BCAS4: variants seen among roughly 807,000 people sequenced by gnomAD.
BCAS4 encodes breast carcinoma-amplified sequence 4.
In BCAS4, 9 loss-of-function variants were observed where a neutral mutation model predicts 15.7. The ratio of observed to expected loss-of-function variants is 0.57; its 90% confidence interval spans 0.34 to 1.00. The LOEUF is 1.00. Among genes scored for constraint, BCAS4 ranks in the 50% least tolerant of loss-of-function variants. The probability of loss-of-function intolerance (pLI) is 0.02; values close to 1 mark genes in which losing one functional copy is unlikely to be tolerated. For synonymous variants in BCAS4, 101 were observed against 99.5 expected, an observed-to-expected ratio of 1.02 and a Z score of -0.09; for missense variants, 225 against 239.1, an observed-to-expected ratio of 0.94 and a Z score of 0.39.
At chr20:50,861,493 C>T (rs1979065818) in intron 4 of BCAS4, among the ~76,000 whole-genome samples, 1 of 152,218 alleles carries the variant, frequency 6.6e-6, no homozygotes, top group South Asian at 2.1e-4. Context: ...AGATGGCCTC[C>T]GTCCAGCACG....
At chr20:50,846,607 CTTTTTTTTTTTTTTTT>C (rs144685124) in intron 4 of BCAS4, 1 of 69,784 alleles carries the variant, frequency 1.4e-5, no homozygotes, top group Non-Finnish European at 2.8e-5. Flanking sequence ...GTCTCTCTCT[CTTTTTTTTTTTTTTTT>C]TTTTTTTTTT....
intron 4 of BCAS4, chr20:50,875,962 T>C: frequency 6.6e-6 from 3 of 456,246 alleles, no homozygotes; most frequent in Non-Finnish European, 4.4e-6. Flanking sequence ...TTTTCTTTTT[T>C]CTTCCCCGAG....
intron 2 of BCAS4, among the ~76,000 whole-genome samples, chr20:50,820,484 G>A (rs1217698399): frequency 6.6e-6 from 1 of 152,224 alleles, no homozygotes; most frequent in Non-Finnish European, 1.5e-5. Context: ...GGGGAGGCCA[G>A]GGATGTGGTA....
At chr20:50,817,635 T>C (rs1170924813) in intron 1 of BCAS4, among the ~76,000 whole-genome samples, 1 of 152,124 alleles carries the variant, frequency 6.6e-6, no homozygotes, top group African/African-American at 2.4e-5. Flanking sequence ...CTAATTTTTG[T>C]ATTTTGAGTA....
At chr20:50,816,111 C>T (rs552930395) in intron 1 of BCAS4, among the ~76,000 whole-genome samples, 2 of 138,098 alleles carry the variant, frequency 1.4e-5, no homozygotes, top group Non-Finnish European at 3.2e-5. Context: ...CCGCAACCTC[C>T]TCCTTCTGGG....
chr20:50,863,814 G>A (rs78073114), intron 4 of BCAS4, among the ~76,000 whole-genome samples: 7,065 of 152,228 alleles, frequency 0.046, 322 homozygotes, highest in East Asian at 0.17. Flanking sequence ...TGTGATGGGG[G>A]ACCCCTGAAC....
At chr20:50,812,799 T>A (rs866770420) in intron 1 of BCAS4, among the ~76,000 whole-genome samples, 1 of 152,032 alleles carries the variant, frequency 6.6e-6, no homozygotes, top group Non-Finnish European at 1.5e-5. Flanking sequence ...ATATTTTTCA[T>A]TTCTTTTTTA....
chr20:50,863,715 G>C (rs1979212167), intron 4 of BCAS4, among the ~76,000 whole-genome samples: 1 of 152,236 alleles, frequency 6.6e-6, no homozygotes, highest in African/African-American at 2.4e-5. Context: ...CCAGCTGTTG[G>C]TATGGGATAA....
rs745360628 is a variant in BCAS4 at position 50,804,975 on chromosome 20, C to T, written c.90+9802C>T. ...CGGGATCTTTCAACCTTCATTTCAT[C>T]GCTTTCATCTTGTGCATAGAGATGA... On this transcript the variant is annotated intron_variant, in intron 1 of 4. Transcript: ENST00000371608. 5.3e-5 allele frequency among the ~76,000 whole-genome samples: 8 copies of T among 152,254 alleles called. No homozygotes were observed. In the East Asian group the frequency reaches 5.8e-4, roughly 11 times the overall value.
chr20:50,828,695 C>T (rs996575749), intron 2 of BCAS4, among the ~76,000 whole-genome samples: 14 of 152,174 alleles, frequency 9.2e-5, no homozygotes, highest in African/African-American at 3.4e-4. Context: ...AGGAGAATCG[C>T]CTGGACCTGG....
chr20:50,796,485 A>ATTTTT (rs1198586862), intron 1 of BCAS4, among the ~76,000 whole-genome samples: 50 of 10,304 alleles, frequency 4.9e-3, no homozygotes, highest in Non-Finnish European at 6.2e-3. Flanking sequence ...ATATATATAT[A>ATTTTT]TATTTTTTTT....
chr20:50,865,638 C>T (rs1979317605), intron 4 of BCAS4, among the ~76,000 whole-genome samples: 1 of 152,222 alleles, frequency 6.6e-6, no homozygotes, highest in South Asian at 2.1e-4. Flanking sequence ...CTGCCAGCTC[C>T]AGCAGCCCCA....
At chr20:50,795,507 C>T (rs2087843794) in intron 1 of BCAS4, among the ~76,000 whole-genome samples, 1 of 152,212 alleles carries the variant, frequency 6.6e-6, no homozygotes, top group Non-Finnish European at 1.5e-5. Context: ...CCGGCTACCT[C>T]CGAGCGGTGC....
intron 3 of BCAS4, among the ~76,000 whole-genome samples, chr20:50,835,582 C>T (rs1311534680): frequency 6.6e-6 from 1 of 152,016 alleles, no homozygotes; most frequent in East Asian, 1.9e-4. Context: ...ACTCAGATGC[C>T]AACAGGAGCC....
chr20:50,847,374 G>A (rs909950236), intron 4 of BCAS4, among the ~76,000 whole-genome samples: 7 of 152,102 alleles, frequency 4.6e-5, no homozygotes, highest in East Asian at 1.9e-4. Context: ...GGTGTGAGCC[G>A]CTGCACCCGG....
chr20:50,866,005 A>C (rs6091225), intron 4 of BCAS4, among the ~76,000 whole-genome samples: 64,107 of 151,880 alleles, frequency 0.42, 15,583 homozygotes, highest in African/African-American at 0.69. Context: ...AGGGGACAGG[A>C]CCTGGGGGCC....
At chr20:50,833,018 G>A (rs2088363172) in intron 3 of BCAS4, 1 of 152,362 alleles carries the variant, frequency 6.6e-6, no homozygotes, top group Non-Finnish European at 1.5e-5. Context: ...GCTTTCATTA[G>A]GCAAGTGCTG....
chr20:50,814,724 G>A (rs922365585), intron 1 of BCAS4, among the ~76,000 whole-genome samples: 6 of 152,190 alleles, frequency 3.9e-5, no homozygotes, highest in Admixed American at 3.9e-4. Context: ...CGTAAAAAGA[G>A]GGAAATAGTA....
At chr20:50,796,426 T>A (rs2087857860) in intron 1 of BCAS4, among the ~76,000 whole-genome samples, 1 of 136,604 alleles carries the variant, frequency 7.3e-6, no homozygotes, top group Admixed American at 7.5e-5. Flanking sequence ...TATATGAGTT[T>A]TCTCTTTTTT....
Sources: allele counts gnomAD v4.1 joint callset (sites outside exome capture counted in the v4.1 genomes callset), GRCh38; gene constraint gnomAD v4.1.1; transcripts MANE v1.5; gene names NCBI Gene and HGNC (gene_info 2026-07-23, HGNC 2026-07-21).